The following TEN1 variants were observed in gnomAD, a reference collection of about 807,000 sequenced individuals.
The protein encoded by TEN1 is TEN1 subunit of CST complex, also known as CST complex subunit TEN1.
Under a neutral mutation model 9.3 loss-of-function variants are expected in TEN1, and 6 were observed. That is an observed-to-expected ratio of 0.65 (90% CI 0.35 to 1.27). The LOEUF is 1.27. TEN1 is among the 50% of genes most tolerant of loss of function. The pLI is 0.03. For synonymous variants in TEN1, 65 were observed against 65.6 expected, an observed-to-expected ratio of 0.99 and a Z score of 0.04; for missense variants, 149 against 158.2, an observed-to-expected ratio of 0.94 and a Z score of 0.31.
At chr17:75,990,653 G>A (rs139174812) in intron 2 of TEN1, among the ~76,000 whole-genome samples, 3 of 151,440 alleles carry the variant, frequency 2.0e-5, no homozygotes, top group Non-Finnish European at 4.4e-5. Flanking sequence ...GGACAACATA[G>A]CAAAACCCTG....
intron 1 of TEN1, among the ~76,000 whole-genome samples, chr17:75,981,535 T>C (rs2066119638): frequency 1.3e-5 from 2 of 151,988 alleles, no homozygotes; most frequent in Non-Finnish European, 2.9e-5. Flanking sequence ...TTTTGTAGTG[T>C]TGGGTCTCAG....
At chr17:75,988,581 A>AAG (rs1555621399) in intron 2 of TEN1, among the ~76,000 whole-genome samples, 5 of 149,718 alleles carry the variant, frequency 3.3e-5, no homozygotes, top group Non-Finnish European at 7.4e-5. Flanking sequence ...AAAAAAAAAA[A>AAG]AAAAAAGAAA....
Position 75,981,825 on chromosome 17 carries a change from C to T in TEN1, c.-7+2314C>T, listed in dbSNP as rs142570211. Among the ~76,000 whole-genome samples the T allele has an allele frequency of 5.6e-3, 851 of 152,086 alleles. 8 individuals are homozygous for T. The highest frequency in any genetic ancestry group is 0.018 in the African/African-American group (763 of 41,494). ...CAGGTGGATAGCGAGGTCAGGAGAT[C>T]GAGACCATCCTGGCTAACACGGTGA... is the stretch of plus-strand genomic sequence containing the variant. On this transcript the variant is annotated intron_variant, in intron 1 of 3. Transcript: ENST00000397640.
At chr17:75,991,681 C>G in intron 3 of TEN1, 58 bp downstream of exon 3, 6 of 1,520,896 alleles carry the variant, frequency 3.9e-6, no homozygotes, top group Non-Finnish European at 5.3e-6. Flanking sequence ...GGGCAGTCTT[C>G]GGGGCAGTCA....
At chr17:75,996,446 T>C (rs999714813) in intron 3 of TEN1, among the ~76,000 whole-genome samples, 6 of 151,144 alleles carry the variant, frequency 4.0e-5, no homozygotes, top group Non-Finnish European at 8.9e-5. Flanking sequence ...GATCACACCA[T>C]TGCACTCCAG....
At chr17:75,991,659 G>T in intron 3 of TEN1, 36 bp downstream of exon 3, 1 of 1,544,716 alleles carries the variant, frequency 6.5e-7, no homozygotes, top group South Asian at 1.2e-5. Context: ...TCTCATCCTG[G>T]GGCCTGAGCT....
chr17:75,983,326 A>G (rs546236665), intron 1 of TEN1, among the ~76,000 whole-genome samples: 109 of 152,178 alleles, frequency 7.2e-4, no homozygotes, highest in Non-Finnish European at 1.3e-3. Flanking sequence ...TCATTATACC[A>G]GCAAATTCCT....
At chr17:75,991,376 T>A in intron 2 of TEN1, 90 bp from the exon 3 acceptor site, 2 of 1,379,876 alleles carry the variant, frequency 1.4e-6, no homozygotes, top group Non-Finnish European at 2.0e-6. Flanking sequence ...CTGAACACTT[T>A]TCTATAGATT....
chr17:75,980,377 G>A (rs1338589162), intron 1 of TEN1, among the ~76,000 whole-genome samples: 2 of 151,920 alleles, frequency 1.3e-5, no homozygotes, highest in African/African-American at 2.4e-5. Context: ...GTTCTGCCCA[G>A]TGGGATTGTA....
intron 2 of TEN1, among the ~76,000 whole-genome samples, chr17:75,989,762 G>A (rs1020892723): frequency 6.6e-6 from 1 of 151,148 alleles, no homozygotes; most frequent in South Asian, 2.1e-4. Context: ...GGAAAGCATA[G>A]TCCTTTCAAC....
intron 3 of TEN1, among the ~76,000 whole-genome samples, chr17:75,994,701 C>T (rs150731583): frequency 0.075 from 11,451 of 151,960 alleles, 1,382 homozygotes; most frequent in African/African-American, 0.26. Context: ...TGGTCTTGAG[C>T]TCCTGACCTC....
intron 1 of TEN1, among the ~76,000 whole-genome samples, chr17:75,981,388 T>C (rs1045300265): frequency 2.0e-5 from 3 of 152,098 alleles, no homozygotes; most frequent in African/African-American, 4.8e-5. Flanking sequence ...GGTTTCACTA[T>C]GTTGACCAGG....
intron 3 of TEN1, among the ~76,000 whole-genome samples, chr17:75,999,271 G>A (rs567796202): frequency 2.0e-5 from 3 of 152,198 alleles, no homozygotes; most frequent in African/African-American, 4.8e-5. Context: ...AGCCTGGGAG[G>A]TGGAGGCTAC....
rs1036378618 is a variant in TEN1 at position 75,981,692 on chromosome 17, G to C, written c.-7+2181G>C. 2.0e-5 allele frequency among the ~76,000 whole-genome samples: 3 copies of C among 151,502 alleles called. No individual in the cohort carries two copies. In the East Asian group the frequency reaches 5.8e-4, roughly 29 times the overall value. ...AGTTAGAATCCTCTTCCCCAAGGCA[G>C]GTCATAGAAAACAGAGTCATTTACC... is the stretch of plus-strand genomic sequence containing the variant. On this transcript the variant is annotated intron_variant, in intron 1 of 3. Coordinates refer to ENST00000397640, the MANE Select transcript of TEN1 (RefSeq NM_001113324.3).
At chr17:75,990,955 G>A (rs1373528587) in intron 2 of TEN1, among the ~76,000 whole-genome samples, 3 of 151,666 alleles carry the variant, frequency 2.0e-5, no homozygotes, top group Non-Finnish European at 4.4e-5. Flanking sequence ...TTGGAGACCA[G>A]CCTGGACAAT....
chr17:75,991,845 G>A lies in TEN1; in HGVS notation c.250+222G>A, dbSNP rs1177094836. Among the ~76,000 whole-genome samples the A allele has an allele frequency of 3.3e-5, 5 of 152,090 alleles. 1 individual carries two copies. The highest frequency in any genetic ancestry group is 4.1e-4 in the South Asian group (2 of 4,824). ...AGACAGGGTGGCTGGTCAGGAGTTC[G>A]AGACCAGCCTAGCCAACATGGCGAA... On this transcript the variant is annotated intron_variant, in intron 3 of 3. Coordinates refer to ENST00000397640, the MANE Select transcript of TEN1 (RefSeq NM_001113324.3).
At chr17:75,982,750 G>T (rs78829815) in intron 1 of TEN1, among the ~76,000 whole-genome samples, 1 of 151,150 alleles carries the variant, frequency 6.6e-6, no homozygotes, top group African/African-American at 2.4e-5. Context: ...TCACTCTGTC[G>T]CCCAGGCTGG....
At chr17:75,984,077 GC>G (rs1041696975) in intron 1 of TEN1, among the ~76,000 whole-genome samples, 2 of 152,104 alleles carry the variant, frequency 1.3e-5, no homozygotes, top group Non-Finnish European at 2.9e-5. Context: ...TTAGGGAAGG[GC>G]TATTTTCATT....
intron 3 of TEN1, among the ~76,000 whole-genome samples, chr17:75,998,030 T>TTAGTAGAGA (rs753957958): frequency 4.6e-5 from 7 of 152,024 alleles, no homozygotes; most frequent in Non-Finnish European, 7.4e-5. Context: ...TTTTGTCTTT[T>TTAGTAGAGA]TAGTAGAGAC....
Sources: allele counts gnomAD v4.1 joint callset (sites outside exome capture counted in the v4.1 genomes callset), GRCh38; gene constraint gnomAD v4.1.1; transcripts MANE v1.5; gene names NCBI Gene and HGNC (gene_info 2026-07-23, HGNC 2026-07-21).